Variants in ZNF385D observed in about 807,000 individuals in gnomAD.
ZNF385D encodes zinc finger protein 659.
Under a neutral mutation model 35.8 loss-of-function variants are expected in ZNF385D, and 15 were observed. That is an observed-to-expected ratio of 0.42 (90% CI 0.28 to 0.64). The LOEUF is 0.64. ZNF385D is among the 30% of genes least tolerant of loss of function. ZNF385D has a pLI of 0.23. For missense variants in ZNF385D, 474 were observed against 494.6 expected (o/e 0.96, Z 0.39); for synonymous variants, 212 against 186.8 (o/e 1.13, Z -1.10).
intron 3 of ZNF385D, among the ~76,000 whole-genome samples, chr3:21,931,007 G>T (rs1414107510): frequency 6.6e-6 from 1 of 151,924 alleles, no homozygotes. Context: ...AGGACCCTAT[G>T]AAGACAATGA....
At chr3:22,072,807 C>G (rs761789939) in intron 3 of ZNF385D, among the ~76,000 whole-genome samples, 1 of 151,890 alleles carries the variant, frequency 6.6e-6, no homozygotes, top group Non-Finnish European at 1.5e-5. Context: ...AATAAGGAAA[C>G]AGAACAAAAG....
At chr3:21,641,457 G>A (rs1041009170) in intron 2 of ZNF385D, among the ~76,000 whole-genome samples, 1 of 151,752 alleles carries the variant, frequency 6.6e-6, no homozygotes, top group Non-Finnish European at 1.5e-5. Flanking sequence ...TCATCACTGG[G>A]AATTTCAAAG....
chr3:22,372,591 G>A (rs1696961759), exon 2 of ZNF385D: 1 of 941,626 alleles, frequency 1.1e-6, no homozygotes, highest in Non-Finnish European at 1.3e-6. Flanking sequence ...GCTGTCCCGG[G>A]AGACGCACGG....
chr3:21,757,010 G>A (rs2070368068), intron 3 of ZNF385D, among the ~76,000 whole-genome samples: 1 of 151,228 alleles, frequency 6.6e-6, no homozygotes, highest in African/African-American at 2.4e-5. Context: ...AAAATTAATT[G>A]CCTACAAGAA....
chr3:21,458,326 A>AAG (rs1702952031), intron 4 of ZNF385D, among the ~76,000 whole-genome samples: 1 of 151,528 alleles, frequency 6.6e-6, no homozygotes, highest in Admixed American at 6.6e-5. Context: ...AAAAAAAAAA[A>AAG]AAGCAAATTA....
chr3:21,692,653 C>G (rs188188973), intron 1 of ZNF385D, among the ~76,000 whole-genome samples: 1 of 152,288 alleles, frequency 6.6e-6, no homozygotes. Flanking sequence ...ACGCAGAATG[C>G]CACAAGCACG....
chr3:22,151,287 T>C (rs1392216321), intron 3 of ZNF385D, among the ~76,000 whole-genome samples: 19 of 152,186 alleles, frequency 1.2e-4, no homozygotes. Flanking sequence ...AAGACTTACC[T>C]GTAATGAATC....
At chr3:21,908,210 G>T (rs1388870203) in intron 3 of ZNF385D, among the ~76,000 whole-genome samples, 1 of 151,412 alleles carries the variant, frequency 6.6e-6, no homozygotes. Flanking sequence ...GGAAAAGAAA[G>T]ATGAGACCAA....
intron 3 of ZNF385D, among the ~76,000 whole-genome samples, chr3:22,003,033 C>T (rs772075226): frequency 3.3e-5 from 5 of 152,164 alleles, no homozygotes; most frequent in Non-Finnish European, 7.4e-5. Context: ...GATGCCCACT[C>T]TTACCACTCT....
chr3:22,325,862 TAAC>T (rs1694654160), intron 2 of ZNF385D, among the ~76,000 whole-genome samples: 1 of 152,216 alleles, frequency 6.6e-6, no homozygotes, highest in Admixed American at 6.5e-5. Flanking sequence ...CTGGTAGTTT[TAAC>T]TACAAATGTC....
intron 4 of ZNF385D, among the ~76,000 whole-genome samples, chr3:21,505,847 GC>G (rs1706734320): frequency 6.6e-6 from 1 of 152,078 alleles, no homozygotes; most frequent in African/African-American, 2.4e-5. Flanking sequence ...TAGTATGCAT[GC>G]ATACATCCCC....
At chr3:21,784,672 T>C (rs2071617789) in intron 3 of ZNF385D, among the ~76,000 whole-genome samples, 1 of 151,920 alleles carries the variant, frequency 6.6e-6, no homozygotes, top group South Asian at 2.1e-4. Context: ...ATTGTATATA[T>C]ATTTAAGTAT....
At chr3:21,535,546 T>C (rs1001338718) in intron 3 of ZNF385D, among the ~76,000 whole-genome samples, 1 of 152,082 alleles carries the variant, frequency 6.6e-6, no homozygotes, top group South Asian at 2.1e-4. Flanking sequence ...ATCATGAAAC[T>C]TCAAACCAAT....
At chr3:21,660,768 TAA>T (rs1337900870) in intron 2 of ZNF385D, among the ~76,000 whole-genome samples, 2 of 152,216 alleles carry the variant, frequency 1.3e-5, no homozygotes. Flanking sequence ...ATAACAAACC[TAA>T]GAGTCTGGGC....
chr3:21,827,167 A>G (rs376692048), intron 3 of ZNF385D, among the ~76,000 whole-genome samples: 1 of 152,206 alleles, frequency 6.6e-6, no homozygotes. Context: ...AAAGTATTCA[A>G]TATTTCTTAG....
At chr3:22,305,367 C>A (rs915193510) in intron 2 of ZNF385D, among the ~76,000 whole-genome samples, 1 of 152,108 alleles carries the variant, frequency 6.6e-6, no homozygotes, top group Non-Finnish European at 1.5e-5. Flanking sequence ...GAATACTAGA[C>A]TTAATAGTTC....
intron 3 of ZNF385D, among the ~76,000 whole-genome samples, chr3:22,145,108 C>G (rs186110181): frequency 1.1e-4 from 16 of 152,212 alleles, no homozygotes; most frequent in African/African-American, 3.9e-4. Context: ...TGTACATACA[C>G]ACATACATTT....
intron 2 of ZNF385D, among the ~76,000 whole-genome samples, chr3:21,580,416 G>A (rs919916260): frequency 2.6e-5 from 4 of 152,264 alleles, no homozygotes; most frequent in South Asian, 2.1e-4. Context: ...TTAAAGTTAC[G>A]AAGTCTATAG....
intron 2 of ZNF385D, among the ~76,000 whole-genome samples, chr3:22,291,089 G>T (rs1209673947): frequency 2.0e-5 from 3 of 152,062 alleles, no homozygotes; most frequent in South Asian, 2.1e-4. Flanking sequence ...TCCCCCTGGG[G>T]ATTAAGGCTT....
Sources: allele counts gnomAD v4.1 joint callset (sites outside exome capture counted in the v4.1 genomes callset), GRCh38; gene constraint gnomAD v4.1.1; transcripts MANE v1.5; gene names NCBI Gene and HGNC (gene_info 2026-07-23, HGNC 2026-07-21).